CPA6: variants seen among roughly 807,000 people sequenced by gnomAD.
The protein encoded by CPA6 is carboxypeptidase B.
Under a neutral mutation model 63.3 loss-of-function variants are expected in CPA6, and 58 were observed. That is an observed-to-expected ratio of 0.92 (90% CI 0.74 to 1.14). The LOEUF (loss-of-function observed/expected upper bound fraction) is 1.14, where lower values mean the gene tolerates loss of function less well. Ranked by LOEUF, CPA6 falls within the 50% of genes most tolerant of loss-of-function variation. The probability of loss-of-function intolerance (pLI) is 0.00; values close to 1 mark genes in which losing one functional copy is unlikely to be tolerated. For synonymous variants in CPA6, 185 were observed against 179.0 expected, an observed-to-expected ratio of 1.03 and a Z score of -0.27; for missense variants, 565 against 526.6, an observed-to-expected ratio of 1.07 and a Z score of -0.71.
intron 1 of CPA6, among the ~76,000 whole-genome samples, chr8:67,680,489 T>TA (rs5892091): frequency 0.25 from 33,112 of 132,486 alleles, 3,871 homozygotes; most frequent in South Asian, 0.36. Flanking sequence ...CCTCTGTATT[T>TA]AAAAAAAAAA....
At chr8:67,632,198 T>A (rs1172275087) in intron 1 of CPA6, among the ~76,000 whole-genome samples, 1 of 151,758 alleles carries the variant, frequency 6.6e-6, no homozygotes, top group Non-Finnish European at 1.5e-5. Flanking sequence ...TCAGAGACAG[T>A]CTCGCTCTGT....
intron 8 of CPA6, among the ~76,000 whole-genome samples, chr8:67,453,923 C>T (rs6989747): frequency 0.021 from 3,244 of 152,212 alleles, 109 homozygotes; most frequent in African/African-American, 0.074. Context: ...AAGTACTGTG[C>T]CTTGAGTCGA....
chr8:67,626,867 CT>C (rs200573210), intron 1 of CPA6, among the ~76,000 whole-genome samples: 7,932 of 141,716 alleles, frequency 0.056, 369 homozygotes, highest in African/African-American at 0.14. Flanking sequence ...ATGAGAATAA[CT>C]TTTTTTTTTT....
At chr8:67,538,250 C>A (rs1418585976) in intron 2 of CPA6, among the ~76,000 whole-genome samples, 1 of 152,142 alleles carries the variant, frequency 6.6e-6, no homozygotes, top group Non-Finnish European at 1.5e-5. Flanking sequence ...TATTAATTTT[C>A]TGTCTTGTTG....
At chr8:67,651,068 A>G (rs1305123513) in intron 1 of CPA6, among the ~76,000 whole-genome samples, 2 of 152,174 alleles carry the variant, frequency 1.3e-5, no homozygotes, top group Non-Finnish European at 2.9e-5. Context: ...GTTGTAAGCT[A>G]TGTTCAAAGG....
At chr8:67,693,187 G>A (rs1991241) in intron 1 of CPA6, among the ~76,000 whole-genome samples, 2 of 152,154 alleles carry the variant, frequency 1.3e-5, no homozygotes, top group Non-Finnish European at 2.9e-5. Context: ...GTGTGACCTA[G>A]GACCATTGTT....
intron 1 of CPA6, among the ~76,000 whole-genome samples, chr8:67,707,553 CAATT>C (rs2128999790): frequency 6.6e-6 from 1 of 152,270 alleles, no homozygotes; most frequent in South Asian, 2.1e-4. Flanking sequence ...CAGTAGGACA[CAATT>C]AGAGAAACTG....
At chr8:67,617,053 T>C (rs555081055) in intron 2 of CPA6, among the ~76,000 whole-genome samples, 2 of 152,222 alleles carry the variant, frequency 1.3e-5, no homozygotes, top group Non-Finnish European at 2.9e-5. Flanking sequence ...AAACAGATTG[T>C]TTAAATGTCA....
At chr8:67,535,742 G>T (rs529160446) in intron 2 of CPA6, among the ~76,000 whole-genome samples, 179 of 152,242 alleles carry the variant, frequency 1.2e-3, no homozygotes, top group Non-Finnish European at 2.1e-3. Context: ...GGCTTTTGTT[G>T]CAATTAATTT....
At chr8:67,649,151 A>G (rs992249751) in intron 1 of CPA6, among the ~76,000 whole-genome samples, 4 of 152,154 alleles carry the variant, frequency 2.6e-5, no homozygotes, top group African/African-American at 7.2e-5. Flanking sequence ...CAAAACCTTA[A>G]TATTTCTAAA....
intron 1 of CPA6, among the ~76,000 whole-genome samples, chr8:67,722,757 G>T (rs1817525859): frequency 1.3e-5 from 2 of 152,060 alleles, no homozygotes; most frequent in African/African-American, 2.4e-5. Flanking sequence ...AAGAAGAGAT[G>T]CCAGGAACAC....
intron 1 of CPA6, among the ~76,000 whole-genome samples, chr8:67,628,475 A>C (rs897134651): frequency 3.9e-5 from 6 of 152,238 alleles, no homozygotes; most frequent in Non-Finnish European, 7.3e-5. Flanking sequence ...CACTTGTAAA[A>C]ATTAAAATAT....
intron 1 of CPA6, among the ~76,000 whole-genome samples, chr8:67,629,492 A>G (rs1815270415): frequency 6.6e-6 from 1 of 151,728 alleles, no homozygotes; most frequent in South Asian, 2.1e-4. Flanking sequence ...AAAAAAAAAA[A>G]AAAAATAAGA....
intron 2 of CPA6, among the ~76,000 whole-genome samples, chr8:67,571,245 AATAGCAGCAGGGGACTTCAAT>A (rs1813478914): frequency 6.6e-6 from 1 of 152,224 alleles, no homozygotes. Context: ...ATTGCCATTC[AATAGCAGCAGGGGACTTCAAT>A]ACAGTGCTTT....
At chr8:67,561,237 C>T (rs1813204479) in intron 2 of CPA6, among the ~76,000 whole-genome samples, 1 of 152,126 alleles carries the variant, frequency 6.6e-6, no homozygotes, top group Non-Finnish European at 1.5e-5. Context: ...CTCCACTAGG[C>T]ATTGCTGAGA....
At chr8:67,684,838 C>A (rs1182637533) in intron 1 of CPA6, among the ~76,000 whole-genome samples, 1 of 152,164 alleles carries the variant, frequency 6.6e-6, no homozygotes, top group Non-Finnish European at 1.5e-5. Flanking sequence ...TCTCTATCAT[C>A]CCCTAGGTGA....
At chr8:67,580,879 T>C (rs745569756) in intron 2 of CPA6, among the ~76,000 whole-genome samples, 1 of 152,142 alleles carries the variant, frequency 6.6e-6, no homozygotes, top group Admixed American at 6.5e-5. Flanking sequence ...AGATGTCTTA[T>C]TTAAGGGGAA....
chr8:67,713,450 T>G (rs1413538832), intron 1 of CPA6, among the ~76,000 whole-genome samples: 1 of 152,074 alleles, frequency 6.6e-6, no homozygotes, highest in African/African-American at 2.4e-5. Flanking sequence ...GTCATTTCTT[T>G]GTTTCGGGTT....
At chr8:67,519,333 T>C (rs1185081187) in intron 2 of CPA6, among the ~76,000 whole-genome samples, 1 of 152,208 alleles carries the variant, frequency 6.6e-6, no homozygotes, top group Non-Finnish European at 1.5e-5. Context: ...TTCACAGTCC[T>C]GCCTCTGTCT....
Sources: allele counts gnomAD v4.1 joint callset (sites outside exome capture counted in the v4.1 genomes callset), GRCh38; gene constraint gnomAD v4.1.1; transcripts MANE v1.5; gene names NCBI Gene and HGNC (gene_info 2026-07-23, HGNC 2026-07-21).